The following MED15 variants were observed in gnomAD, a reference collection of about 807,000 sequenced individuals.
The protein encoded by MED15 is mediator of RNA polymerase II transcription subunit 15.
A neutral mutation model predicts 118.7 loss-of-function variants in MED15; 41 were observed. The ratio of observed to expected loss-of-function variants is 0.35; its 90% CI spans 0.27 to 0.45. MED15 has a LOEUF of 0.45. Ranked by LOEUF, MED15 falls within the 20% of genes least tolerant of loss-of-function variation. The pLI is 1.00. For synonymous variants in MED15, 436 were observed against 413.9 expected, an observed-to-expected ratio of 1.05 and a Z score of -0.65; for missense variants, 740 against 1,025.5, an observed-to-expected ratio of 0.72 and a Z score of 3.80.
intron 6 of MED15, 62 bp from the exon 7 acceptor site, chr22:20,566,405 G>A: frequency 6.3e-7 from 1 of 1,591,208 alleles, no homozygotes; most frequent in Non-Finnish European, 8.5e-7. Context: ...ACTGTCACAG[G>A]GAGGAGCTGG....
At chr22:20,514,980 C>T (rs934751509) in intron 1 of MED15, among the ~76,000 whole-genome samples, 2 of 152,204 alleles carry the variant, frequency 1.3e-5, no homozygotes, top group Non-Finnish European at 2.9e-5. Context: ...CTGTGTATAA[C>T]CTATTGCTAG....
At position 20,551,218 on chromosome 22, in the gene MED15, C is replaced by T. The variant is rs1601556084; in HGVS notation, c.157-218C>T. On this transcript the variant is annotated intron_variant, in intron 2 of 17. Coordinates refer to ENST00000263205, the MANE Select transcript of MED15 (RefSeq NM_001003891.3). ...GGAGTGGCCGTTGGAGGCTCTCTGTCCCCTTCTTGTTTCTTTGTGCCTGTT... is the reference window on the plus strand; with the variant it reads ...GGAGTGGCCGTTGGAGGCTCTCTGTTCCCTTCTTGTTTCTTTGTGCCTGTT... The T allele has an allele frequency of 5.8e-6, 4 of 691,982 alleles. No individual in the cohort carries two copies. The East Asian group carries it at 1.1e-4, about 20-fold the overall frequency. 42.9% of individuals were successfully genotyped at this position (691,982 alleles called of 1,614,324 possible). A position where few individuals can be genotyped will look rare whatever the true frequency, so the allele number is the denominator to read the frequency against.
chr22:20,546,121 G>A (rs369306304), intron 2 of MED15, among the ~76,000 whole-genome samples: 1 of 152,088 alleles, frequency 6.6e-6, no homozygotes, highest in Non-Finnish European at 1.5e-5. Flanking sequence ...TTTGAATCAG[G>A]ATCCAAACGA....
intron 2 of MED15, among the ~76,000 whole-genome samples, chr22:20,546,174 G>A (rs1276139187): frequency 2.0e-5 from 3 of 152,180 alleles, no homozygotes; most frequent in Admixed American, 6.5e-5. Context: ...TGGTGAAGGA[G>A]CAGCCCAGCT....
chr22:20,539,577 A>G (rs2055210413), intron 2 of MED15, among the ~76,000 whole-genome samples: 1 of 152,124 alleles, frequency 6.6e-6, no homozygotes, highest in South Asian at 2.1e-4. Context: ...CTGTGTTTTC[A>G]TTTCTCTTGG....
chr22:20,518,826 A>T, intron 1 of MED15: 1 of 451,840 alleles, frequency 2.2e-6, no homozygotes, highest in South Asian at 1.6e-5. Context: ...ACAGCTTGTG[A>T]TGGTTGATTT....
intron 2 of MED15, among the ~76,000 whole-genome samples, chr22:20,541,021 G>A (rs2055278200): frequency 6.6e-6 from 1 of 152,164 alleles, no homozygotes; most frequent in South Asian, 2.1e-4. Flanking sequence ...GAGGTCAGGA[G>A]ATTGAGACCA....
chr22:20,509,530 G>A (rs532390003), intron 1 of MED15, among the ~76,000 whole-genome samples: 32 of 151,618 alleles, frequency 2.1e-4, no homozygotes, highest in African/African-American at 7.8e-4. Context: ...GAGGAAGACA[G>A]ATTCCAGAGG....
chr22:20,541,905 C>A (rs2055329675), intron 2 of MED15, among the ~76,000 whole-genome samples: 2 of 152,266 alleles, frequency 1.3e-5, no homozygotes, highest in Non-Finnish European at 1.5e-5. Flanking sequence ...ACCTAGGCCT[C>A]CCAAAGTGCT....
intron 8 of MED15, among the ~76,000 whole-genome samples, chr22:20,571,109 T>C (rs915517216): frequency 3.3e-5 from 5 of 152,216 alleles, no homozygotes; most frequent in Admixed American, 6.5e-5. Context: ...TGAATAGCCA[T>C]GGAGCAGCCA....
Position 20,582,339 on chromosome 22 carries a change from A to T in MED15, c.1273-272A>T, listed in dbSNP as rs568539924. The T allele has an allele frequency of 1.6e-5, 9 of 556,930 alleles. No homozygotes were observed. The South Asian group carries it at 1.7e-4, about 11-fold the overall frequency. 34.5% of individuals were successfully genotyped at this position (556,930 alleles called of 1,614,324 possible). A position where few individuals can be genotyped will look rare whatever the true frequency, so the allele number is the denominator to read the frequency against. On this transcript the variant is annotated intron_variant, in intron 9 of 17. Coordinates refer to ENST00000263205, the MANE Select transcript of MED15 (RefSeq NM_001003891.3). ...GCCCTTTTCCTCACACTCCCACGAC[A>T]CAGCCCTCAAAGCCTGTGCCCCTGT...
At chr22:20,561,070 A>G (rs1363846481) in intron 5 of MED15, among the ~76,000 whole-genome samples, 1 of 152,234 alleles carries the variant, frequency 6.6e-6, no homozygotes, top group Non-Finnish European at 1.5e-5. Context: ...TTAAATATGC[A>G]TGATAAAATT....
In MED15 at chr22:20,566,593, C is replaced by A; in HGVS notation, c.817C>A (p.Pro273Thr). ...ALQAQPPIQQ[P>T]PMQQPQPPPS... ...GCAGGCCCAGCCACCAATTCAGCAG[C>A]CACCGATGCAGCAGCCACAGCCTCC... The change falls in exon 7 of 18, where the codon CCA (proline) becomes ACA (threonine). Residue 273 changes from proline to threonine, a missense_variant. Physicochemically the swap from Pro to Thr is conservative, Grantham distance 38. Around this residue, in one of 7 missense-constraint regions of MED15, gnomAD observed 384 missense variants for 506.3 expected, o/e 0.76. Transcript: ENST00000263205. The A allele has an allele frequency of 6.2e-7, 1 of 1,613,918 alleles. No homozygotes were observed.
intron 8 of MED15, among the ~76,000 whole-genome samples, chr22:20,569,011 C>T (rs1220895884): frequency 6.6e-6 from 1 of 152,204 alleles, no homozygotes; most frequent in African/African-American, 2.4e-5. Flanking sequence ...GGGTGGAGGG[C>T]AGCTTTCTAG....
chr22:20,539,359 C>T (rs1324913913), intron 2 of MED15, among the ~76,000 whole-genome samples: 1 of 152,204 alleles, frequency 6.6e-6, no homozygotes, highest in African/African-American at 2.4e-5. Flanking sequence ...GATCCACCTG[C>T]CTTGGCCTCC....
Position 20,557,996 on chromosome 22 carries a change from C to T in MED15, c.451+2848C>T, listed in dbSNP as rs191921639. On this transcript the variant is annotated intron_variant, in intron 5 of 17. Coordinates refer to ENST00000263205, the MANE Select transcript of MED15 (RefSeq NM_001003891.3). ...TGGTGGGTGCCTGTAGTCCCAGCTA[C>T]TCGGGAGACTAAGGCAGGAGAATGG... Among the ~76,000 whole-genome samples, 768 of 152,298 alleles carry T rather than the reference C, an allele frequency of 5.0e-3. 9 individuals carry two copies. The highest frequency in any genetic ancestry group is 0.017 in the African/African-American group (705 of 41,552).
At chr22:20,534,448 CAGG>C (rs1208982885) in intron 1 of MED15, among the ~76,000 whole-genome samples, 2 of 152,092 alleles carry the variant, frequency 1.3e-5, no homozygotes, top group Non-Finnish European at 1.5e-5. Context: ...TACTTGAGCC[CAGG>C]AGTTTGAAGC....
chr22:20,559,749 G>T (rs909299160), intron 5 of MED15, among the ~76,000 whole-genome samples: 1 of 152,232 alleles, frequency 6.6e-6, no homozygotes, highest in Non-Finnish European at 1.5e-5. Context: ...TGGAAAGCAA[G>T]CCATTTTTAG....
At position 20,518,764 on chromosome 22, in the gene MED15, A is replaced by G. The variant is rs1601451060; in HGVS notation, c.68+11018A>G. Reference sequence around the variant, plus strand: ...ATTAAAGCCTGCCATGGTTTTGTCCATCAGTGCTGCCTAAACCGTTCTGAA... The same window carrying G: ...ATTAAAGCCTGCCATGGTTTTGTCCGTCAGTGCTGCCTAAACCGTTCTGAA... On this transcript the variant is annotated intron_variant, in intron 1 of 17. Coordinates refer to ENST00000263205, the MANE Select transcript of MED15 (RefSeq NM_001003891.3). The G allele has an allele frequency of 7.7e-6, 3 of 391,730 alleles. No individual in the cohort carries two copies. In the Admixed American group the frequency reaches 8.8e-5, roughly 11 times the overall value. 24.3% of individuals were successfully genotyped at this position (391,730 alleles called of 1,614,324 possible).
Sources: allele counts gnomAD v4.1 joint callset (sites outside exome capture counted in the v4.1 genomes callset), GRCh38; gene constraint gnomAD v4.1.1; regional missense constraint gnomAD v4.1.1; transcripts MANE v1.5; gene names NCBI Gene and HGNC (gene_info 2026-07-23, HGNC 2026-07-21).